The following TMEM117 variants were observed in gnomAD, a reference collection of about 807,000 sequenced individuals.
TMEM117 encodes the protein transmembrane protein 117.
TMEM117 carries 27 observed loss-of-function variants against 52.4 expected under a neutral mutation model. That is an observed-to-expected ratio of 0.51 (90% CI 0.38 to 0.71). The LOEUF (loss-of-function observed/expected upper bound fraction) is 0.71, where lower values mean the gene tolerates loss of function less well. TMEM117 is among the 30% of genes least tolerant of loss of function. The probability of loss-of-function intolerance (pLI) is 0.00; values close to 1 mark genes in which losing one functional copy is unlikely to be tolerated. For synonymous variants in TMEM117, 215 were observed against 206.3 expected, an observed-to-expected ratio of 1.04 and a Z score of -0.36; for missense variants, 556 against 630.5, an observed-to-expected ratio of 0.88 and a Z score of 1.26.
chr12:44,286,360 A>G (rs1434464545), intron 5 of TMEM117, among the ~76,000 whole-genome samples: 1 of 151,440 alleles, frequency 6.6e-6, no homozygotes, highest in East Asian at 1.9e-4. Context: ...GTGTTGAATC[A>G]CATGAAGTTT....
intron 1 of TMEM117, among the ~76,000 whole-genome samples, chr12:43,843,603 T>G (rs769991834): frequency 2.6e-5 from 4 of 152,242 alleles, no homozygotes; most frequent in Non-Finnish European, 4.4e-5. Flanking sequence ...CAGTGCTCTG[T>G]GCCTTTGGAT....
At chr12:44,107,762 T>C (rs1367623517) in intron 3 of TMEM117, among the ~76,000 whole-genome samples, 1 of 152,162 alleles carries the variant, frequency 6.6e-6, no homozygotes, top group Non-Finnish European at 1.5e-5. Flanking sequence ...ATGTACAGTT[T>C]TCAAATCAAC....
chr12:44,190,853 C>G (rs997825464), intron 4 of TMEM117, among the ~76,000 whole-genome samples: 1 of 149,128 alleles, frequency 6.7e-6, no homozygotes, highest in South Asian at 2.1e-4. Context: ...TGTGCACTCT[C>G]TCTCTATATA....
At chr12:44,125,206 G>A (rs994999496) in intron 3 of TMEM117, among the ~76,000 whole-genome samples, 6 of 152,114 alleles carry the variant, frequency 3.9e-5, no homozygotes, top group Admixed American at 1.3e-4. Flanking sequence ...CCGGGTTCAC[G>A]CCATTCTCCT....
At chr12:44,267,538 T>C (rs752994510) in intron 5 of TMEM117, among the ~76,000 whole-genome samples, 1 of 152,204 alleles carries the variant, frequency 6.6e-6, no homozygotes, top group Non-Finnish European at 1.5e-5. Flanking sequence ...GAATAATTAA[T>C]GTTAAGATTT....
At chr12:44,206,186 A>G (rs906012492) in intron 4 of TMEM117, among the ~76,000 whole-genome samples, 2 of 152,222 alleles carry the variant, frequency 1.3e-5, no homozygotes, top group Non-Finnish European at 2.9e-5. Flanking sequence ...AGCATTCCTT[A>G]TGGGAAACAA....
intron 5 of TMEM117, among the ~76,000 whole-genome samples, chr12:44,231,024 C>T (rs892501762): frequency 6.6e-6 from 1 of 151,926 alleles, no homozygotes; most frequent in African/African-American, 2.4e-5. Flanking sequence ...AAGTGAACCC[C>T]TGTGTATCCT....
At chr12:44,169,156 GA>G (rs1203950869) in intron 4 of TMEM117, among the ~76,000 whole-genome samples, 2 of 152,176 alleles carry the variant, frequency 1.3e-5, no homozygotes, top group African/African-American at 4.8e-5. Flanking sequence ...AGTCTGCTGT[GA>G]ACATTGGTGT....
At chr12:44,312,401 G>A (rs563724370) in intron 6 of TMEM117, among the ~76,000 whole-genome samples, 3 of 152,118 alleles carry the variant, frequency 2.0e-5, no homozygotes, top group African/African-American at 7.2e-5. Flanking sequence ...TTAGGATGAC[G>A]GCCTTCAGAT....
chr12:44,391,277 C>T (rs1952160508), downstream of TMEM117, among the ~76,000 whole-genome samples: 1 of 152,088 alleles, frequency 6.6e-6, no homozygotes, highest in Admixed American at 6.6e-5. Flanking sequence ...TACACTTAGA[C>T]ATAAATCTCA....
the TMEM117 span, chr12:43,802,447 A>T: frequency 6.2e-7 from 1 of 1,601,194 alleles, no homozygotes. Context: ...TGACTATATG[A>T]TCCAATCACA....
intron 3 of TMEM117, among the ~76,000 whole-genome samples, chr12:44,038,633 G>A (rs1025227382): frequency 6.6e-6 from 1 of 152,154 alleles, no homozygotes; most frequent in African/African-American, 2.4e-5. Context: ...GTAAAAACTT[G>A]GGCAAAGGTG....
chr12:44,017,480 C>G (rs1478249135), intron 3 of TMEM117, among the ~76,000 whole-genome samples: 2 of 151,872 alleles, frequency 1.3e-5, no homozygotes, highest in African/African-American at 4.8e-5. Flanking sequence ...TCCTCTTACC[C>G]CAAAGACTAG....
At chr12:44,188,047 G>GATATAAA (rs1327798020) in intron 4 of TMEM117, among the ~76,000 whole-genome samples, 1 of 152,046 alleles carries the variant, frequency 6.6e-6, no homozygotes. Flanking sequence ...TTGAAAGGGG[G>GATATAAA]ATATAAAATA....
intron 2 of TMEM117, among the ~76,000 whole-genome samples, chr12:43,897,407 G>A (rs1944224259): frequency 6.6e-6 from 1 of 150,914 alleles, no homozygotes; most frequent in South Asian, 2.1e-4. Flanking sequence ...CGCCTCCTGG[G>A]TTCAAGTGAT....
chr12:43,800,699 A>G, the TMEM117 span, among the ~76,000 whole-genome samples: 2 of 152,202 alleles, frequency 1.3e-5, no homozygotes, highest in Non-Finnish European at 1.5e-5. Flanking sequence ...CGTCATTAAC[A>G]TGGGCATCTA....
intron 1 of TMEM117, among the ~76,000 whole-genome samples, chr12:43,844,384 C>T (rs1049631896): frequency 6.6e-6 from 1 of 152,220 alleles, no homozygotes; most frequent in Admixed American, 6.5e-5. Context: ...ATTGTCTCCC[C>T]ATACTCTTTC....
chr12:43,841,891 T>C (rs1198460334), intron 1 of TMEM117, among the ~76,000 whole-genome samples: 2 of 152,156 alleles, frequency 1.3e-5, no homozygotes, highest in Non-Finnish European at 2.9e-5. Flanking sequence ...CTTAATTCTG[T>C]GTGTTCATGG....
intron 3 of TMEM117, among the ~76,000 whole-genome samples, chr12:44,093,195 GA>G (rs970694398): frequency 1.3e-5 from 2 of 151,998 alleles, no homozygotes; most frequent in Non-Finnish European, 2.9e-5. Flanking sequence ...GGTCAAGGGA[GA>G]TTTTTTTTCT....
Sources: allele counts gnomAD v4.1 joint callset (sites outside exome capture counted in the v4.1 genomes callset), GRCh38; gene constraint gnomAD v4.1.1; transcripts MANE v1.5; gene names NCBI Gene and HGNC (gene_info 2026-07-23, HGNC 2026-07-21).